Variants in C3orf52 observed in about 807,000 individuals in gnomAD.
The protein encoded by C3orf52 is TPA-induced transmembrane protein.
In C3orf52, 22 loss-of-function variants were observed where a neutral mutation model predicts 24.8. The observed-to-expected ratio is 0.89, with a 90% confidence interval of 0.63 to 1.27. The LOEUF is 1.27. Ranked by LOEUF, C3orf52 falls within the 50% of genes most tolerant of loss-of-function variation. C3orf52 has a pLI of 0.00. For synonymous variants in C3orf52, 93 were observed against 100.2 expected, an observed-to-expected ratio of 0.93 and a Z score of 0.43; for missense variants, 265 against 260.7, an observed-to-expected ratio of 1.02 and a Z score of -0.11.
intron 3 of C3orf52, among the ~76,000 whole-genome samples, chr3:112,106,303 G>A (rs1180070378): frequency 6.6e-6 from 1 of 151,904 alleles, no homozygotes; most frequent in Non-Finnish European, 1.5e-5. Context: ...ATATTGCCTA[G>A]GCTGATATCA....
intron 4 of C3orf52, 122 bp from the exon 5 acceptor site, chr3:112,112,839 ATTC>A: frequency 1.3e-6 from 1 of 792,206 alleles, no homozygotes; most frequent in Non-Finnish European, 2.2e-6. Context: ...AGGACAGAAC[ATTC>A]TTTGCTATTT....
At chr3:112,098,983 C>A (rs528399295) in intron 2 of C3orf52, among the ~76,000 whole-genome samples, 18 of 152,136 alleles carry the variant, frequency 1.2e-4, no homozygotes, top group Non-Finnish European at 2.1e-4. Flanking sequence ...GTGATTGGAT[C>A]ATGGGGGTAG....
intron 2 of C3orf52, among the ~76,000 whole-genome samples, chr3:112,102,172 C>T (rs2073978552): frequency 1.3e-5 from 2 of 152,098 alleles, no homozygotes; most frequent in Non-Finnish European, 2.9e-5. Flanking sequence ...AAGACATGGA[C>T]TCGCATGCTC....
chr3:112,090,522 A>G (rs905880398), intron 1 of C3orf52, among the ~76,000 whole-genome samples: 3 of 152,016 alleles, frequency 2.0e-5, no homozygotes, highest in African/African-American at 7.2e-5. Flanking sequence ...GTCTGTGAAT[A>G]TTAATCATGT....
rs143893362 is a variant in C3orf52, at chr3:112,107,347, G to A, written c.397-2196G>A. On this transcript the variant is annotated intron_variant, in intron 3 of 5. Transcript: ENST00000264848. ...GTGCTTGAAAAGATTCTCCTCTGCA[G>A]CATCCTCATCCTCCTCTCCATCACA... Among the ~76,000 whole-genome samples, 95 of 152,274 alleles carry A rather than the reference G, an allele frequency of 6.2e-4. 2 individuals are homozygous for A. In the East Asian group the frequency reaches 0.018, roughly 29 times the overall value.
intron 1 of C3orf52, among the ~76,000 whole-genome samples, chr3:112,089,917 G>T (rs1284272135): frequency 6.6e-6 from 1 of 152,230 alleles, no homozygotes; most frequent in African/African-American, 2.4e-5. Context: ...ATAAGATGCA[G>T]ATTGCAAATG....
At chr3:112,119,118 C>T (rs1576153096), downstream of C3orf52, among the ~76,000 whole-genome samples, 1 of 152,130 alleles carries the variant, frequency 6.6e-6, no homozygotes, top group East Asian at 1.9e-4. Context: ...CGCGGTGGCT[C>T]AAGCCTGTAA....
Position 112,093,116 on chromosome 3 carries a change from A to T in C3orf52, c.139-244A>T, listed in dbSNP as rs1292038354. ...TCCTGGGTTTGGAATGCCTTCAAAAATCCATCTTTCAAAATCCTGCCTATC... is the reference window on the plus strand; with the variant it reads ...TCCTGGGTTTGGAATGCCTTCAAAATTCCATCTTTCAAAATCCTGCCTATC... On this transcript the variant is annotated intron_variant, in intron 1 of 5. Transcript: ENST00000264848. Among the ~76,000 whole-genome samples the T allele has an allele frequency of 4.6e-5, 7 of 152,264 alleles. No individual in the cohort carries two copies. The East Asian group carries it at 1.4e-3, about 29-fold the overall frequency.
downstream of C3orf52, chr3:112,130,432 A>G: frequency 6.2e-7 from 1 of 1,612,488 alleles, no homozygotes; most frequent in Non-Finnish European, 8.5e-7. Flanking sequence ...TGTTTGGTTG[A>G]TTTTGCTCTC....
intron 3 of C3orf52, among the ~76,000 whole-genome samples, chr3:112,105,168 T>C (rs2074011740): frequency 6.6e-6 from 1 of 152,198 alleles, no homozygotes; most frequent in Admixed American, 6.5e-5. Context: ...GGTCCACAGA[T>C]TTCTTTGAGC....
chr3:112,131,059 G>A (rs2074439827), downstream of C3orf52: 1 of 155,932 alleles, frequency 6.4e-6, no homozygotes, highest in Non-Finnish European at 1.4e-5. Flanking sequence ...TTGGGAATTG[G>A]GAGTATGAGG....
Position 112,123,716 on chromosome 3 carries a change from C to G in C3orf52, c.*46+4154C>G, listed in dbSNP as rs2074246525. On this transcript the variant is annotated intron_variant, in intron 4 of 4. Transcript: ENST00000480282. The stretch of plus-strand genomic sequence containing the variant: ...TCCCTGATGGCCTTGTACAGAGAAC[C>G]CGATGATTGATGAGGGTATAGCACA... The G allele has an allele frequency of 3.1e-6, 5 of 1,613,996 alleles. 1 individual carries two copies. The highest frequency in any genetic ancestry group is 4.2e-6 in the Non-Finnish European group (5 of 1,179,942).
rs374515761 is a variant in C3orf52, at chr3:112,113,129, A to C, written c.633A>C (p.Thr211=). The change falls in exon 5 of 6, where the codon ACA becomes ACC. Residue 211 remains threonine (T), a synonymous_variant. Coordinates refer to ENST00000264848, the MANE Select transcript of C3orf52 (RefSeq NM_024616.3). ...PGCESLGLDP[T]SLLLYE The stretch of plus-strand genomic sequence containing the variant: ...GTGAGAGTCTGGGGCTTGATCCAAC[A>C]TCCCTCTTGCTCTATGGTAAGTAGA... 6.2e-7 allele frequency: 1 copy of C among 1,607,948 alleles called. No homozygotes were observed. The highest frequency in any genetic ancestry group is 1.3e-5 in the African/African-American group (1 of 74,976).
downstream of C3orf52, chr3:112,119,516 A>G: frequency 1.4e-6 from 1 of 702,978 alleles, no homozygotes; most frequent in Non-Finnish European, 2.6e-6. Flanking sequence ...GATTTGAATA[A>G]GAAGATTTGC....
intron 2 of C3orf52, among the ~76,000 whole-genome samples, chr3:112,099,104 A>G (rs549699209): frequency 1.2e-4 from 18 of 152,128 alleles, no homozygotes; most frequent in Admixed American, 3.3e-4. Context: ...CTGCTCCCCC[A>G]TGGTAAGACA....
intron 5 of C3orf52, among the ~76,000 whole-genome samples, chr3:112,115,289 A>T (rs2074124039): frequency 6.6e-6 from 1 of 152,186 alleles, no homozygotes; most frequent in South Asian, 2.1e-4. Context: ...CATCGCAGGC[A>T]TGCAGGCAGA....
intron 2 of C3orf52, among the ~76,000 whole-genome samples, chr3:112,093,986 T>G (rs1323546339): frequency 6.6e-6 from 1 of 151,558 alleles, no homozygotes; most frequent in Non-Finnish European, 1.5e-5. Context: ...TTATTTTAAC[T>G]TATTGTATTT....
downstream of C3orf52, chr3:112,119,416 C>T (rs760039899): frequency 4.6e-5 from 32 of 700,488 alleles, no homozygotes; most frequent in Admixed American, 3.8e-4. Flanking sequence ...AGTAGGGTTG[C>T]GGGTGGTCAG....
downstream of C3orf52, chr3:112,130,570 CTTTTCATAAT>C: frequency 1.3e-6 from 2 of 1,487,308 alleles, no homozygotes; most frequent in Non-Finnish European, 1.9e-6. Flanking sequence ...CCTGTCACTT[CTTTTCATAAT>C]TTTTCCGACT....
Sources: gnomAD v4.1 joint callset for allele counts (sites outside exome capture counted in the v4.1 genomes callset) on GRCh38, gnomAD v4.1.1 for gene constraint, MANE v1.5 for transcripts, NCBI Gene and HGNC (gene_info 2026-07-23, HGNC 2026-07-21) for gene names.